The following KLHL20 variants were observed in gnomAD, a reference collection of about 807,000 sequenced individuals.
KLHL20 encodes the protein kelch-like protein 20.
A neutral mutation model predicts 69.5 loss-of-function variants in KLHL20; 29 were observed. The ratio of observed to expected loss-of-function variants is 0.42; its 90% CI spans 0.31 to 0.57. The LOEUF is 0.57. Among genes scored for constraint, KLHL20 ranks in the 20% least tolerant of loss-of-function variants. The probability of loss-of-function intolerance (pLI) is 0.18; values close to 1 mark genes in which losing one functional copy is unlikely to be tolerated. For missense variants in KLHL20, 419 were observed against 776.0 expected (o/e 0.54, Z 5.47); for synonymous variants, 253 against 265.2 (o/e 0.95, Z 0.45).
intron 3 of KLHL20, among the ~76,000 whole-genome samples, chr1:173,744,651 T>C (rs1672974234): frequency 6.6e-6 from 1 of 152,168 alleles, no homozygotes; most frequent in Non-Finnish European, 1.5e-5. Flanking sequence ...AATATGGACC[T>C]AATTTTATCT....
At chr1:173,719,034 G>A (rs1671594239) in intron 2 of KLHL20, among the ~76,000 whole-genome samples, 1 of 145,444 alleles carries the variant, frequency 6.9e-6, no homozygotes, top group Non-Finnish European at 1.5e-5. Context: ...GAACCTGGGA[G>A]GCGGAGCTTG....
intron 2 of KLHL20, among the ~76,000 whole-genome samples, chr1:173,718,636 G>A (rs1671572427): frequency 6.6e-6 from 1 of 152,096 alleles, no homozygotes. Context: ...GCTGAAGCAG[G>A]AGGATTGCTT....
intron 8 of KLHL20, among the ~76,000 whole-genome samples, chr1:173,773,541 G>A (rs189710773): frequency 1.7e-3 from 262 of 152,032 alleles, no homozygotes; most frequent in Non-Finnish European, 2.1e-3. Flanking sequence ...TAAAAAGGTT[G>A]TCTCAAAGAA....
intron 6 of KLHL20, 52 bp from the exon 7 acceptor site, chr1:173,756,924 C>A: frequency 6.4e-7 from 1 of 1,551,808 alleles, no homozygotes; most frequent in Non-Finnish European, 8.8e-7. Context: ...GTGAGTGTTA[C>A]ATTTTATGCT....
intron 3 of KLHL20, among the ~76,000 whole-genome samples, chr1:173,746,277 T>C (rs935094694): frequency 1.3e-5 from 2 of 152,206 alleles, no homozygotes; most frequent in Non-Finnish European, 2.9e-5. Context: ...TAAGTATGAA[T>C]ATTATACTTC....
At chr1:173,716,455 A>G (rs986868444) in intron 2 of KLHL20, among the ~76,000 whole-genome samples, 7 of 152,140 alleles carry the variant, frequency 4.6e-5, no homozygotes, top group African/African-American at 1.7e-4. Flanking sequence ...ATGCCTAATT[A>G]TGGTTTTGGT....
intron 8 of KLHL20, among the ~76,000 whole-genome samples, chr1:173,767,184 A>C (rs1427938272): frequency 6.6e-6 from 1 of 152,106 alleles, no homozygotes; most frequent in African/African-American, 2.4e-5. Context: ...GTTTCACTTA[A>C]TGTCCTCCAG....
rs1189023141 is a variant in KLHL20, at chr1:173,778,950, CATTA to C, written c.1638+3112_1638+3115del. On this transcript the variant is annotated intron_variant, in intron 10 of 11. Transcript: ENST00000209884. ...TTTTGTGTTTTTTTCACTTAAATTT[CATTA>C]ATTTCTGCTCTGATCTTTATTGTTT... Among the ~76,000 whole-genome samples, 3 of 151,910 alleles carry C rather than the reference CATTA, an allele frequency of 2.0e-5. No homozygotes were observed. In the East Asian group the frequency reaches 5.8e-4, roughly 29 times the overall value.
chr1:173,740,770 C>T (rs1049775397), intron 3 of KLHL20, among the ~76,000 whole-genome samples: 9 of 152,008 alleles, frequency 5.9e-5, no homozygotes, highest in Admixed American at 5.9e-4. Context: ...TTGCCCCTCC[C>T]TGTCTGCCGT....
intron 8 of KLHL20, among the ~76,000 whole-genome samples, chr1:173,771,369 A>C (rs191262339): frequency 6.6e-6 from 1 of 152,324 alleles, no homozygotes; most frequent in East Asian, 1.9e-4. Flanking sequence ...ATACCACTGC[A>C]CTTTAGCCTG....
chr1:173,715,893 G>A, intron 1 of KLHL20, 110 bp from the exon 2 acceptor site: 1 of 732,926 alleles, frequency 1.4e-6, no homozygotes, highest in South Asian at 1.9e-5. Flanking sequence ...GGTATAATAG[G>A]ATATGAAACT....
chr1:173,775,954 T>A, intron 10 of KLHL20, 112 bp downstream of exon 10: 6 of 868,002 alleles, frequency 6.9e-6, no homozygotes, highest in Non-Finnish European at 1.1e-5. Context: ...TTCTTTGGGG[T>A]ATATACCTAG....
intron 3 of KLHL20, among the ~76,000 whole-genome samples, chr1:173,739,602 T>TGA (rs1399120772): frequency 6.6e-6 from 1 of 151,844 alleles, no homozygotes; most frequent in Non-Finnish European, 1.5e-5. Context: ...ATAGTAGCCT[T>TGA]GAGTTATCTT....
chr1:173,729,776 A>G (rs1275980591), intron 2 of KLHL20, among the ~76,000 whole-genome samples: 1 of 152,218 alleles, frequency 6.6e-6, no homozygotes, highest in Non-Finnish European at 1.5e-5. Flanking sequence ...TGAATGGGCA[A>G]AAACTGGAAG....
At chr1:173,766,469 A>AT (rs1392790866) in intron 8 of KLHL20, among the ~76,000 whole-genome samples, 180 bp downstream of exon 8, 8 of 144,522 alleles carry the variant, frequency 5.5e-5, no homozygotes, top group African/African-American at 1.0e-4. Flanking sequence ...ACATGGTGAG[A>AT]TAAAAAATAC....
At chr1:173,782,018 G>A (rs1648911673) in intron 10 of KLHL20, 106 bp from the exon 11 acceptor site, 1 of 734,838 alleles carries the variant, frequency 1.4e-6, no homozygotes, top group East Asian at 2.5e-5. Context: ...AGAATGTAAG[G>A]CCATAAAGAA....
At chr1:173,774,694 ACTTT>A (rs1447559433) in intron 9 of KLHL20, among the ~76,000 whole-genome samples, 3 of 151,922 alleles carry the variant, frequency 2.0e-5, no homozygotes, top group African/African-American at 7.3e-5. Context: ...TTTAAAAACT[ACTTT>A]CTTATATAAT....
chr1:173,738,876 G>A (rs1282262717), intron 3 of KLHL20, among the ~76,000 whole-genome samples: 2 of 152,146 alleles, frequency 1.3e-5, no homozygotes, highest in Non-Finnish European at 2.9e-5. Flanking sequence ...TTTTTGATAT[G>A]CTGTTGGATT....
At position 173,786,378 on chromosome 1, in the gene KLHL20, A is replaced by G. The variant is rs888949774; in HGVS notation, c.*1131A>G. 6.6e-6 allele frequency: 1 copy of G among 152,658 alleles called. No homozygotes were observed. Among genetic ancestry groups the G allele is most frequent in the Non-Finnish European group, 1.5e-5 (1 of 68,032 alleles). The allele number at this position is 152,658 out of a possible 1,614,324, so 9.5% of individuals were successfully genotyped here. ...AAATTGCACTTTCTGGTAAAAAGTT[A>G]AAAATTTTTAAGGAAAAAATAATTT... is the stretch of plus-strand genomic sequence containing the variant. On this transcript the variant is annotated 3_prime_UTR_variant, in exon 12 of 12. Coordinates refer to ENST00000209884, the MANE Select transcript of KLHL20 (RefSeq NM_014458.4).
Sources: gnomAD v4.1 joint callset for allele counts (sites outside exome capture counted in the v4.1 genomes callset) on GRCh38, gnomAD v4.1.1 for gene constraint, MANE v1.5 for transcripts, NCBI Gene and HGNC (gene_info 2026-07-23, HGNC 2026-07-21) for gene names.